DBX1: variants seen among roughly 807,000 people sequenced by gnomAD.
DBX1 encodes homeobox protein DBX1.
DBX1 carries 10 observed loss-of-function variants against 20.8 expected under a neutral mutation model. The ratio of observed to expected loss-of-function variants is 0.48; its 90% CI spans 0.30 to 0.82. The LOEUF is 0.82. DBX1 is among the 40% of genes least tolerant of loss of function. The pLI is 0.07. For missense variants in DBX1, 505 were observed against 468.8 expected (o/e 1.08, Z -0.71); for synonymous variants, 241 against 213.9 (o/e 1.13, Z -1.11).
Position 20,160,205 on chromosome 11 carries a change from C to T in DBX1, c.120G>A (p.Leu40=), listed in dbSNP as rs1225049861. 6.5e-7 allele frequency: 1 copy of T among 1,547,718 alleles called. No individual in the cohort carries two copies. Among genetic ancestry groups the T allele is most frequent in the Middle Eastern group, 1.9e-4 (1 of 5,232 alleles). Residue 40 remains leucine, a synonymous_variant, in exon 1 of 4, where the codon CTG becomes CTA. Transcript: ENST00000524983. ...GGCTGATGCGGATCAGATCCTCCAC[C>T]AGGAAGCTGGAGTGGCCGGAAAATG... The part of the protein sequence containing the change: ...QSAFSGHSSF[L]VEDLIRISRP...
In DBX1 at chr11:20,159,242, G is replaced by A. The variant is rs777877261; in HGVS notation, c.418C>T (p.Pro140Ser). ...QSVPPKTFAF[P>S]YFEGSFQPFI... is the part of the protein sequence containing the mutation. ...GGCTGAAAAGACCCTTCGAAGTAGGGAAAGGCGAAGGTCTTGGGAGGGACG... is the reference window on the plus strand; with the variant it reads ...GGCTGAAAAGACCCTTCGAAGTAGGAAAAGGCGAAGGTCTTGGGAGGGACG... Residue 140 changes from proline to serine, a missense_variant, in exon 2 of 4, where the codon CCC becomes TCC. Transcript: ENST00000524983. 4 of 1,614,014 alleles carry A rather than the reference G, an allele frequency of 2.5e-6. No homozygotes were observed. In the Admixed American group the frequency reaches 5.0e-5, roughly 20 times the overall value.
Position 20,156,344 on chromosome 11 carries a change from C to T in DBX1, c.902G>A (p.Arg301Gln), listed in dbSNP as rs756482693. Residue 301 changes from arginine (R) to glutamine (Q), a missense_variant, in exon 4 of 4, where the codon CGG becomes CAG. Coordinates refer to ENST00000524983, the MANE Select transcript of DBX1 (RefSeq NM_001029865.4). This position sits in a 1 kb window ranked among gnomAD's most constrained non-coding sequence, Gnocchi z 4.8. ...YHASSDPQHL[R>Q]DPRLPGPLPP... ...CAGCGGCCCTGGCAGCCGCGGGTCC[C>T]GCAGGTGCTGGGGGTCGGAGGACGC... The T allele has an allele frequency of 6.9e-6, 11 of 1,594,326 alleles. No homozygotes were observed. Among genetic ancestry groups the T allele is most frequent in the East Asian group, 2.2e-5 (1 of 44,582 alleles).
chr11:20,159,120 C>G (rs1395794933), intron 2 of DBX1, 71 bp downstream of exon 2: 1 of 1,088,044 alleles, frequency 9.2e-7, no homozygotes, highest in African/African-American at 1.6e-5. Context: ...AATACGGCTT[C>G]GGAGCAGGGA....
chr11:20,157,192 C>T lies in DBX1; in HGVS notation c.517G>A (p.Ala173Thr). The change falls in exon 3 of 4, where the codon GCC becomes ACC. Residue 173 changes from alanine (A) to threonine (T), a missense_variant. Physicochemically the swap from Ala to Thr is moderately conservative, Grantham distance 58. Coordinates refer to ENST00000524983, the MANE Select transcript of DBX1 (RefSeq NM_001029865.4). ...PIPGTFSWPL[A>T]ARGKPRRGML... ...CCCCGCCGAGGCTTCCCGCGCGCGG[C>T]CAGCGGCCAGGAGAAGGTCCCGGGG... 6 of 1,598,576 alleles carry T rather than the reference C, an allele frequency of 3.8e-6. No individual in the cohort carries two copies. Among genetic ancestry groups the T allele is most frequent in the Non-Finnish European group, 5.1e-6 (6 of 1,173,552 alleles).
At position 20,157,229 on chromosome 11, in the gene DBX1, G is replaced by A; in HGVS notation, c.480C>T (p.Ser160=). ...AGAAGGTCCCGGGGATGGGCACCAC[G>A]CTGGAGGAAGCTGCAGGGTGGGGGG... The part of the protein sequence containing the change: ...IRSSYFPASS[S]VVPIPGTFSW... The change falls in exon 3 of 4, where the codon AGC becomes AGT. Residue 160 remains serine (S), a synonymous_variant. Transcript: ENST00000524983. The A allele has an allele frequency of 2.6e-6, 4 of 1,567,886 alleles. No individual in the cohort carries two copies. The highest frequency in any genetic ancestry group is 3.4e-6 in the Non-Finnish European group (4 of 1,159,496).
At chr11:20,159,859 G>A in intron 1 of DBX1, 99 bp downstream of exon 1, 1 of 1,511,500 alleles carries the variant, frequency 6.6e-7, no homozygotes, top group South Asian at 1.2e-5. Flanking sequence ...GTGCACCGAT[G>A]TGTGTGTGGG....
chr11:20,156,384 G>A lies in DBX1; in HGVS notation c.862C>T (p.Arg288Cys). The change falls in exon 4 of 4, where the codon CGC (arginine) becomes TGC (cysteine). Residue 288 changes from arginine (R) to cysteine (C), a missense_variant. Transcript: ENST00000524983. This position sits in a 1 kb window ranked among gnomAD's most constrained non-coding sequence, Gnocchi z 4.8. ...EEEGPGSPSH[R>C]LAYHASSDPQ... ...TCGGAGGACGCGTGGTAGGCCAGGC[G>A]GTGGCTGGGGCTGCCCGGGCCCTCC... The A allele has an allele frequency of 6.2e-7, 1 of 1,606,592 alleles. No homozygotes were observed. Among genetic ancestry groups the A allele is most frequent in the Non-Finnish European group, 8.5e-7 (1 of 1,175,698 alleles).
At position 20,160,114 on chromosome 11, in the gene DBX1, G is replaced by GGGCCCCCTGCCTGGGCGGCGAC; in HGVS notation, c.189_210dup (p.Pro71ValfsTer184). On this transcript the variant is annotated frameshift_variant, in exon 1 of 4. Coordinates refer to ENST00000524983, the MANE Select transcript of DBX1 (RefSeq NM_001029865.4). LOFTEE classifies it high-confidence loss of function. ...GCCCCCGTGTCGGTGAGGGCCGTGG[G>GGGCCCCCTGCCTGGGCGGCGAC]GGCCCCCTGCCTGGGCGGCGACATG... 1 of 1,550,834 alleles carries GGGCCCCCTGCCTGGGCGGCGAC rather than the reference G, an allele frequency of 6.4e-7. No homozygotes were observed. Among genetic ancestry groups the GGGCCCCCTGCCTGGGCGGCGAC allele is most frequent in the Admixed American group, 2.0e-5 (1 of 51,040 alleles).
chr11:20,156,508 A>G lies in DBX1; in HGVS notation c.738T>C (p.Ser246=). Residue 246 remains serine, a synonymous_variant, in exon 4 of 4, where the codon TCT becomes TCC. Coordinates refer to ENST00000524983, the MANE Select transcript of DBX1 (RefSeq NM_001029865.4). This position sits in a 1 kb window ranked among gnomAD's most constrained non-coding sequence, Gnocchi z 4.8. ...GGGTCTGCTCGCGACAGCCCCCGCTAGACAGGAGTTCGCGCTCCTTGGAGT... is the reference window on the plus strand; with the variant it reads ...GGGTCTGCTCGCGACAGCCCCCGCTGGACAGGAGTTCGCGCTCCTTGGAGT... The part of the protein sequence containing the change: ...WRNSKERELL[S]SGGCREQTLP... 6.2e-7 allele frequency: 1 copy of G among 1,613,976 alleles called. No homozygotes were observed. The highest frequency in any genetic ancestry group is 1.1e-5 in the South Asian group (1 of 91,090).
Position 20,156,978 on chromosome 11 carries a change from G to A in DBX1, c.672+59C>T, listed in dbSNP as rs1592272844. 1.9e-6 allele frequency: 3 copies of A among 1,551,032 alleles called. No individual in the cohort carries two copies. In the East Asian group the frequency reaches 6.8e-5, roughly 35 times the overall value. ...TTCCGAACCCTTGCAATTGACGGGT[G>A]CGCCGGGGAGGGGTGAAGGGCGGGG... On this transcript the variant is annotated intron_variant, in intron 3 of 3. Coordinates refer to ENST00000524983, the MANE Select transcript of DBX1 (RefSeq NM_001029865.4). The surrounding 1 kb of genome is among the most constrained non-coding windows in gnomAD (Gnocchi z 4.8).
rs1191492278 is a variant in DBX1 at position 20,156,578 on chromosome 11, A to C, written c.673-5T>G. ...GTTCTGGAACCAGATTTTCACCTGG[A>C]ATGTCCCGGCCGGCGAGAAGAAGGG... On this transcript the variant is annotated splice_polypyrimidine_tract_variant and splice_region_variant and intron_variant, in intron 3 of 3. Transcript: ENST00000524983. This position sits in a 1 kb window ranked among gnomAD's most constrained non-coding sequence, Gnocchi z 4.8. 5 of 1,613,998 alleles carry C rather than the reference A, an allele frequency of 3.1e-6. No individual in the cohort carries two copies. The East Asian group carries it at 1.1e-4, about 36-fold the overall frequency.
In DBX1 at chr11:20,160,223, G is replaced by C. The variant is rs539147371; in HGVS notation, c.102C>G (p.Ser34=). The C allele has an allele frequency of 1.9e-3, 2,898 of 1,546,526 alleles. 8 individuals are homozygous for C. The highest frequency in any genetic ancestry group is 1.8e-3 in the Non-Finnish European group (2,020 of 1,146,558). ...CCTCCACCAGGAAGCTGGAGTGGCC[G>C]GAAAATGCCGACTGCAAGGACTGGG... ...TLPQSLQSAF[S]GHSSFLVEDL... The change falls in exon 1 of 4, where the codon TCC becomes TCG. Residue 34 remains serine, a synonymous_variant. Coordinates refer to ENST00000524983, the MANE Select transcript of DBX1 (RefSeq NM_001029865.4).
At chr11:20,157,414 A>G (rs958147885) in intron 2 of DBX1, among the ~76,000 whole-genome samples, 175 bp from the exon 3 acceptor site, 5 of 152,206 alleles carry the variant, frequency 3.3e-5, no homozygotes, top group Non-Finnish European at 5.9e-5. Flanking sequence ...TTTCCGCCCA[A>G]ACAACTTTCC....
Position 20,160,148 on chromosome 11 carries a change from G to GGGCACGCTGCGGGGC in DBX1, c.162_176dup (p.Pro55_Pro59dup). On this transcript the variant is annotated inframe_insertion, in exon 1 of 4. Transcript: ENST00000524983. ...GCCTGGGCGGCGACATGCTGGCGGT[G>GGGCACGCTGCGGGGC]GGCACGCTGCGGGGCAGGTAGGCGG... The GGGCACGCTGCGGGGC allele has an allele frequency of 6.5e-7, 1 of 1,548,046 alleles. No individual in the cohort carries two copies. Among genetic ancestry groups the GGGCACGCTGCGGGGC allele is most frequent in the Middle Eastern group, 1.7e-4 (1 of 5,878 alleles).
rs144687409 is a variant in DBX1 at position 20,159,199 on chromosome 11, TAAG to T, written c.458_460del (p.Ser153del). The T allele has an allele frequency of 5.4e-3, 8,636 of 1,610,992 alleles. 408 individuals carry two copies. In the African/African-American group the frequency reaches 0.1, roughly 19 times the overall value. ...AGGGGGACGAGACCTACCTGGGAAA[TAAG>T]AAGATCTGATGAAAGGCTGAAAAGA... On this transcript the variant is annotated inframe_deletion, in exon 2 of 4. Transcript: ENST00000524983.
At chr11:20,159,509 G>T (rs112752110) in intron 1 of DBX1, among the ~76,000 whole-genome samples, 1 of 152,042 alleles carries the variant, frequency 6.6e-6, no homozygotes, top group Non-Finnish European at 1.5e-5. Context: ...AATTCTCTGC[G>T]CCGTCCCACT....
chr11:20,157,537 ACAT>A, intron 2 of DBX1, among the ~76,000 whole-genome samples: 1 of 152,232 alleles, frequency 6.6e-6, no homozygotes, highest in Non-Finnish European at 1.5e-5. Flanking sequence ...AAACCTGCGT[ACAT>A]CAACTAAAAC....
chr11:20,159,213 GA>G lies in DBX1; in HGVS notation c.446del (p.Phe149SerfsTer72). 6.2e-7 allele frequency: 1 copy of G among 1,613,420 alleles called. No individual in the cohort carries two copies. The highest frequency in any genetic ancestry group is 8.5e-7 in the Non-Finnish European group (1 of 1,179,510). ...FPYFEGSFQP[F>X]IRSSYFPASS... is the part of the protein sequence containing the mutation. ...TACCTGGGAAATAAGAAGATCTGAT[GA>G]AAGGCTGAAAAGACCCTTCGAAGTA... On this transcript the variant is annotated frameshift_variant, in exon 2 of 4. Coordinates refer to ENST00000524983, the MANE Select transcript of DBX1 (RefSeq NM_001029865.4). LOFTEE classifies it high-confidence loss of function.
chr11:20,156,731 A>T lies in DBX1; in HGVS notation c.673-158T>A, dbSNP rs760006777. On this transcript the variant is annotated intron_variant, in intron 3 of 3. Transcript: ENST00000524983. The surrounding 1 kb of genome is among the most constrained non-coding windows in gnomAD (Gnocchi z 4.8). The stretch of plus-strand genomic sequence containing the variant: ...GAAATGAGTTCCGGTGGATTCCCGC[A>T]TTGACTCCGCCCCCGCCTCAGCTCG... The T allele has an allele frequency of 3.0e-5, 35 of 1,153,088 alleles. No individual in the cohort carries two copies. Among genetic ancestry groups the T allele is most frequent in the Non-Finnish European group, 3.9e-5 (30 of 775,350 alleles). The allele number at this position is 1,153,088 out of a possible 1,614,324, so 71.4% of individuals were successfully genotyped here. A position where few individuals can be genotyped will look rare whatever the true frequency, so the allele number is the denominator to read the frequency against.
Sources: gnomAD v4.1 joint callset for allele counts (sites outside exome capture counted in the v4.1 genomes callset) on GRCh38, gnomAD v4.1.1 for gene constraint, Gnocchi (gnomAD v3.1) non-coding constraint, MANE v1.5 for transcripts, NCBI Gene and HGNC (gene_info 2026-07-23, HGNC 2026-07-21) for gene names.